The following MAF variants were observed in gnomAD, a reference collection of about 807,000 sequenced individuals.
MAF encodes the protein MAF bZIP transcription factor, also known as transcription factor Maf.
A neutral mutation model predicts 22.0 loss-of-function variants in MAF; 10 were observed. That is an observed-to-expected ratio of 0.45 (90% CI 0.28 to 0.77). MAF has a LOEUF of 0.77. Ranked by LOEUF, MAF falls within the 30% of genes least tolerant of loss-of-function variation. The probability of loss-of-function intolerance (pLI) is 0.12; values close to 1 mark genes in which losing one functional copy is unlikely to be tolerated. For missense variants in MAF, 544 were observed against 548.4 expected (o/e 0.99, Z 0.08); for synonymous variants, 337 against 255.8 (o/e 1.32, Z -3.03).
chr16:79,400,764 C>A, the MAF span, among the ~76,000 whole-genome samples: 5 of 152,374 alleles, frequency 3.3e-5, no homozygotes, highest in Admixed American at 2.0e-4. Context: ...GGACTCCTGG[C>A]GCCCAAGTTT....
At chr16:79,339,155 C>T in the MAF span, among the ~76,000 whole-genome samples, 43 of 152,096 alleles carry the variant, frequency 2.8e-4, no homozygotes, top group Non-Finnish European at 5.6e-4. Context: ...CTGCAAGCTC[C>T]GCCTCCCGGG....
At chr16:79,406,064 C>T in the MAF span, among the ~76,000 whole-genome samples, 2 of 152,192 alleles carry the variant, frequency 1.3e-5, no homozygotes, top group Non-Finnish European at 2.9e-5. Context: ...CCCCAACTCC[C>T]TCACCTCTGA....
chr16:79,510,086 G>A, the MAF span, among the ~76,000 whole-genome samples: 6 of 152,198 alleles, frequency 3.9e-5, no homozygotes, highest in Non-Finnish European at 7.4e-5. Flanking sequence ...CTAGCTCGGC[G>A]ATTGCAGGAC....
At chr16:79,236,256 A>G in the MAF span, among the ~76,000 whole-genome samples, 1 of 152,010 alleles carries the variant, frequency 6.6e-6, no homozygotes, top group African/African-American at 2.4e-5. Flanking sequence ...TCTGATGACC[A>G]TCCTGGTTAA....
At chr16:79,313,460 G>A in the MAF span, among the ~76,000 whole-genome samples, 2 of 152,100 alleles carry the variant, frequency 1.3e-5, no homozygotes, top group South Asian at 4.1e-4. Context: ...ACCTCCCACT[G>A]TAAATACAGT....
chr16:79,275,871 G>A, the MAF span, among the ~76,000 whole-genome samples: 1 of 152,172 alleles, frequency 6.6e-6, no homozygotes, highest in Non-Finnish European at 1.5e-5. Context: ...GCAGGGTGCG[G>A]GGGCTCATGC....
chr16:79,574,876 A>G, the MAF span, among the ~76,000 whole-genome samples: 1 of 152,170 alleles, frequency 6.6e-6, no homozygotes, highest in Non-Finnish European at 1.5e-5. Context: ...ACTGGACCTC[A>G]GACATGCTGA....
chr16:79,569,993 C>G, the MAF span, among the ~76,000 whole-genome samples: 1 of 151,026 alleles, frequency 6.6e-6, no homozygotes, highest in South Asian at 2.1e-4. Context: ...CCCCCAAAGC[C>G]CCACTCCTGT....
chr16:79,388,973 C>G, the MAF span, among the ~76,000 whole-genome samples: 1 of 152,166 alleles, frequency 6.6e-6, no homozygotes, highest in African/African-American at 2.4e-5. Context: ...TACTACTGTC[C>G]TATAAGGAGG....
At chr16:79,391,753 A>G in the MAF span, among the ~76,000 whole-genome samples, 2 of 152,140 alleles carry the variant, frequency 1.3e-5, no homozygotes, top group Admixed American at 6.5e-5. Flanking sequence ...TTTCTGTCCT[A>G]ATTGCCAAAG....
chr16:79,510,681 G>C, the MAF span, among the ~76,000 whole-genome samples: 1 of 152,218 alleles, frequency 6.6e-6, no homozygotes, highest in Non-Finnish European at 1.5e-5. Flanking sequence ...ATGGGCCTGT[G>C]ACCTGTGCCC....
chr16:79,256,631 G>A, the MAF span, among the ~76,000 whole-genome samples: 1 of 152,080 alleles, frequency 6.6e-6, no homozygotes, highest in Non-Finnish European at 1.5e-5. Context: ...ATAGATCTTT[G>A]GACTAGCAAA....
the MAF span, among the ~76,000 whole-genome samples, chr16:79,570,136 G>C: frequency 3.3e-5 from 5 of 151,878 alleles, no homozygotes. Flanking sequence ...AAATTGACAG[G>C]TTGATGCTTT....
At chr16:79,223,774 T>G in the MAF span, among the ~76,000 whole-genome samples, 1 of 152,146 alleles carries the variant, frequency 6.6e-6, no homozygotes, top group African/African-American at 2.4e-5. Flanking sequence ...AATGGATAAA[T>G]TCCTGGACAT....
the MAF span, among the ~76,000 whole-genome samples, chr16:79,391,905 GAGGAGA>G: frequency 6.8e-6 from 1 of 146,648 alleles, no homozygotes; most frequent in African/African-American, 2.5e-5. Flanking sequence ...GGAGCAGGAG[GAGGAGA>G]AGGAGGAGGA....
the MAF span, among the ~76,000 whole-genome samples, chr16:79,235,389 G>GAAAAAAT: frequency 4.0e-5 from 6 of 151,758 alleles, no homozygotes; most frequent in East Asian, 7.7e-4. Context: ...ACCATCCCTA[G>GAAAAAAT]AAAAAATAAA....
At chr16:79,573,990 G>C in the MAF span, among the ~76,000 whole-genome samples, 80,629 of 152,066 alleles carry the variant, frequency 0.53, 22,203 homozygotes, top group Non-Finnish European at 0.61. Flanking sequence ...CAGGTATACC[G>C]TGCCGCATTC....
At position 79,599,243 on chromosome 16, in the gene MAF, G is replaced by A; in HGVS notation, c.660C>T (p.Gly220=). ...CGCCGCCGCCCCCAGCGCTGGCCGG[G>A]CCACCGCCGCCCGCGCCCCCAGCGC... ...AGGAGGAGGG[G]PASAGGGGGG... is the part of the protein sequence containing the mutation. The change falls in exon 1 of 2, where the codon GGC becomes GGT. Residue 220 remains glycine, a synonymous_variant. Transcript: ENST00000326043. 2 of 978,280 alleles carry A rather than the reference G, an allele frequency of 2.0e-6. No homozygotes were observed. Among genetic ancestry groups the A allele is most frequent in the Non-Finnish European group, 2.4e-6 (2 of 827,222 alleles). The allele number at this position is 978,280 out of a possible 1,614,324, so 60.6% of individuals were successfully genotyped here. A position where few individuals can be genotyped will look rare whatever the true frequency, so the allele number is the denominator to read the frequency against.
the MAF span, among the ~76,000 whole-genome samples, chr16:79,252,467 G>T: frequency 2.0e-5 from 3 of 152,010 alleles, no homozygotes; most frequent in African/African-American, 7.2e-5. Flanking sequence ...CTGCTATAAA[G>T]ATTGTCAGGA....
Sources: allele counts gnomAD v4.1 joint callset (sites outside exome capture counted in the v4.1 genomes callset), GRCh38; gene constraint gnomAD v4.1.1; transcripts MANE v1.5; gene names NCBI Gene and HGNC (gene_info 2026-07-23, HGNC 2026-07-21).